Variants in SCML4 observed in about 807,000 individuals in gnomAD.
SCML4 encodes Scm polycomb group protein like 4, also known as sex comb on midleg-like protein 4.
SCML4 carries 34 observed loss-of-function variants against 41.1 expected under a neutral mutation model. The ratio of observed to expected loss-of-function variants is 0.83; its 90% confidence interval spans 0.63 to 1.10. The LOEUF (loss-of-function observed/expected upper bound fraction) is 1.10, where lower values mean the gene tolerates loss of function less well. Among genes scored for constraint, SCML4 ranks in the 50% least tolerant of loss-of-function variants. SCML4 has a pLI of 0.00. For missense variants in SCML4, 522 were observed against 534.1 expected, an observed-to-expected ratio of 0.98 and a Z score of 0.22; for synonymous variants, 214 against 220.9, an observed-to-expected ratio of 0.97 and a Z score of 0.28.
At chr6:107,721,726 G>A (rs190850650) in intron 5 of SCML4, among the ~76,000 whole-genome samples, 1 of 152,172 alleles carries the variant, frequency 6.6e-6, no homozygotes, top group Admixed American at 6.5e-5. Context: ...AGACAACTGT[G>A]GCCTGGGTGG....
intron 1 of SCML4, among the ~76,000 whole-genome samples, chr6:107,792,848 T>A (rs1782439737): frequency 6.6e-6 from 1 of 152,188 alleles, no homozygotes; most frequent in Admixed American, 6.5e-5. Context: ...CAAACCTCAC[T>A]TAGATTTTGG....
At position 107,702,890 on chromosome 6, in the gene SCML4, C is replaced by T. The variant is rs1773293252; in HGVS notation, c.*2310G>A. Among the ~76,000 whole-genome samples the T allele has an allele frequency of 6.6e-6, 1 of 152,182 alleles. No individual in the cohort carries two copies. The highest frequency in any genetic ancestry group is 1.5e-5 in the Non-Finnish European group (1 of 68,034). Reference sequence around the variant, plus strand: ...CAGATGGCTAAAGCATTCTGAGTCACAGGATGAGACAGGAGGTCAGCACAA... The same window carrying T: ...CAGATGGCTAAAGCATTCTGAGTCATAGGATGAGACAGGAGGTCAGCACAA... On this transcript the variant is annotated 3_prime_UTR_variant, in exon 8 of 8. Transcript: ENST00000369020.
chr6:107,843,335 G>A, the SCML4 span, among the ~76,000 whole-genome samples: 1 of 152,144 alleles, frequency 6.6e-6, no homozygotes, highest in African/African-American at 2.4e-5. Flanking sequence ...TTTTGGGAAA[G>A]GCAGGAGACT....
chr6:107,811,529 C>T (rs1054182771), intron 1 of SCML4, among the ~76,000 whole-genome samples: 3 of 152,158 alleles, frequency 2.0e-5, no homozygotes, highest in Non-Finnish European at 2.9e-5. Flanking sequence ...AACAGGTATA[C>T]TGATTTGCAG....
intron 1 of SCML4, among the ~76,000 whole-genome samples, chr6:107,798,750 C>A (rs918798912): frequency 3.3e-5 from 5 of 152,090 alleles, no homozygotes; most frequent in African/African-American, 1.2e-4. Flanking sequence ...CCCCTCTACT[C>A]GTCCCTTTAG....
At position 107,705,337 on chromosome 6, in the gene SCML4, G is replaced by T. The variant is rs557356612; in HGVS notation, c.1120-12C>A. ...TTGCCATCAATCTCCTGGTGGGATA[G>T]GATCAGAAGAAAGATAAACCCAGAA... is the stretch of plus-strand genomic sequence containing the variant. On this transcript the variant is annotated splice_polypyrimidine_tract_variant and intron_variant, in intron 7 of 7. Transcript: ENST00000369020. 4 of 1,551,216 alleles carry T rather than the reference G, an allele frequency of 2.6e-6. No individual in the cohort carries two copies. In the African/African-American group the frequency reaches 5.5e-5, roughly 21 times the overall value.
At chr6:107,803,920 C>T (rs1383091294) in intron 1 of SCML4, among the ~76,000 whole-genome samples, 1 of 151,774 alleles carries the variant, frequency 6.6e-6, no homozygotes, top group South Asian at 2.1e-4. Context: ...TGCGGAAGGC[C>T]GCAGGGTCCT....
At chr6:107,755,190 G>C (rs1308294441) in intron 2 of SCML4, among the ~76,000 whole-genome samples, 1 of 151,960 alleles carries the variant, frequency 6.6e-6, no homozygotes, top group East Asian at 1.9e-4. Flanking sequence ...TGTTACTTCT[G>C]TCCATTTCTG....
rs76293012 is a variant in SCML4, at chr6:107,753,548, T to C, written c.157-3735A>G. On this transcript the variant is annotated intron_variant, in intron 2 of 7. Transcript: ENST00000369020. ...GAAAATGTTCTGGAGATTGGTTGCATGACAATGTGAATATACTTAACACTA... is the reference window on the plus strand; with the variant it reads ...GAAAATGTTCTGGAGATTGGTTGCACGACAATGTGAATATACTTAACACTA... Among the ~76,000 whole-genome samples, 785 of 152,314 alleles carry C rather than the reference T, an allele frequency of 5.2e-3. 11 individuals are homozygous for C. In the East Asian group the frequency reaches 0.063, roughly 12 times the overall value.
chr6:107,751,928 C>T (rs372499212), intron 2 of SCML4, among the ~76,000 whole-genome samples: 2 of 152,050 alleles, frequency 1.3e-5, no homozygotes, highest in East Asian at 1.9e-4. Flanking sequence ...CCACTGTGCC[C>T]GACCAACAGT....
intron 2 of SCML4, among the ~76,000 whole-genome samples, chr6:107,766,949 ATTTTTTT>A (rs35794596): frequency 1.5e-5 from 2 of 136,374 alleles, no homozygotes; most frequent in African/African-American, 2.6e-5. Flanking sequence ...CTATTAAGCT[ATTTTTTT>A]TTTTTTTTTT....
intron 2 of SCML4, among the ~76,000 whole-genome samples, chr6:107,768,032 G>A (rs942824050): frequency 4.6e-5 from 7 of 150,540 alleles, no homozygotes; most frequent in Admixed American, 2.0e-4. Context: ...AGGCTGAGGC[G>A]AGAGGATCTC....
chr6:107,801,993 G>A (rs902774383), intron 1 of SCML4, among the ~76,000 whole-genome samples: 29 of 151,534 alleles, frequency 1.9e-4, no homozygotes, highest in Non-Finnish European at 2.7e-4. Flanking sequence ...GGATGGTCTC[G>A]ATCTCCTAGC....
chr6:107,791,084 A>G (rs549650673), intron 1 of SCML4, among the ~76,000 whole-genome samples: 25 of 150,122 alleles, frequency 1.7e-4, no homozygotes, highest in African/African-American at 5.7e-4. Flanking sequence ...AAAAAAAAAA[A>G]GCACTGAACA....
intron 1 of SCML4, among the ~76,000 whole-genome samples, chr6:107,773,547 G>T (rs369336171): frequency 7.7e-6 from 1 of 130,252 alleles, no homozygotes; most frequent in African/African-American, 3.1e-5. Flanking sequence ...AGCTGAGATC[G>T]CACCACTACA....
At chr6:107,770,805 G>T (rs775042061) in intron 2 of SCML4, among the ~76,000 whole-genome samples, 1 of 152,198 alleles carries the variant, frequency 6.6e-6, no homozygotes, top group East Asian at 1.9e-4. Flanking sequence ...CAGCCTCCAG[G>T]AGAGTAGGAG....
At chr6:107,738,002 C>T (rs1285311447) in intron 5 of SCML4, among the ~76,000 whole-genome samples, 2 of 152,170 alleles carry the variant, frequency 1.3e-5, no homozygotes, top group Non-Finnish European at 2.9e-5. Context: ...TAGCAACATA[C>T]TCAGGTGGTT....
At chr6:107,773,103 A>G (rs1300594319) in intron 1 of SCML4, among the ~76,000 whole-genome samples, 1 of 152,200 alleles carries the variant, frequency 6.6e-6, no homozygotes, top group Non-Finnish European at 1.5e-5. Context: ...GATGTTGAAT[A>G]AAAAAAGCAT....
chr6:107,744,852 T>C, intron 5 of SCML4, 97 bp downstream of exon 5: 1 of 1,031,270 alleles, frequency 9.7e-7, no homozygotes, highest in Non-Finnish European at 1.4e-6. Flanking sequence ...GTGGCAGAAC[T>C]GCCAGGAGCT....
Sources: allele counts gnomAD v4.1 joint callset (sites outside exome capture counted in the v4.1 genomes callset), GRCh38; gene constraint gnomAD v4.1.1; transcripts MANE v1.5; gene names NCBI Gene and HGNC (gene_info 2026-07-23, HGNC 2026-07-21).